ITGB8: variants seen among roughly 807,000 people sequenced by gnomAD.
The protein encoded by ITGB8 is integrin beta-8.
ITGB8 carries 30 observed loss-of-function variants against 89.5 expected under a neutral mutation model. The observed-to-expected ratio is 0.34, with a 90% CI of 0.25 to 0.45. The LOEUF (loss-of-function observed/expected upper bound fraction) is 0.45. Among genes scored for constraint, ITGB8 ranks in the 20% least tolerant of loss-of-function variants. The probability of loss-of-function intolerance (pLI) is 1.00; values close to 1 mark genes in which losing one functional copy is unlikely to be tolerated. For synonymous variants in ITGB8, 335 were observed against 320.4 expected (o/e 1.05, Z -0.49); for missense variants, 836 against 933.3 (o/e 0.90, Z 1.36).
intron 9 of ITGB8, among the ~76,000 whole-genome samples, chr7:20,401,044 G>A (rs571125815): frequency 2.0e-5 from 3 of 151,936 alleles, no homozygotes; most frequent in South Asian, 4.2e-4. Flanking sequence ...GTGCAATCTC[G>A]GCTCACTGCA....
intron 1 of ITGB8, among the ~76,000 whole-genome samples, chr7:20,340,144 C>T (rs534007952): frequency 6.5e-4 from 99 of 152,306 alleles, no homozygotes; most frequent in African/African-American, 2.3e-3. Context: ...TGGTTTTAGA[C>T]GTGCGCTATC....
In ITGB8 at chr7:20,398,857, C is replaced by T. The variant is rs1787193996; in HGVS notation, c.1147-3C>T. On this transcript the variant is annotated splice_polypyrimidine_tract_variant and splice_region_variant and intron_variant, in intron 8 of 13. Transcript: ENST00000222573. ...ATGTAATTTAAAAATAATGTCTCTG[C>T]AGAAGCTCATTTCAGAAGTGAAAGT... The T allele has an allele frequency of 6.4e-7, 1 of 1,571,756 alleles. No homozygotes were observed. The highest frequency in any genetic ancestry group is 8.6e-7 in the Non-Finnish European group (1 of 1,160,706).
rs768936255 is a variant in ITGB8 at position 20,380,831 on chromosome 7, A to G, written c.801A>G (p.Glu267=). ...CCATGCTTCAGGCAGCTGTCTGTGAAGTAAGACGTTTCACATGATCGAGTG... is the reference window on the plus strand; with the variant it reads ...CCATGCTTCAGGCAGCTGTCTGTGAGGTAAGACGTTTCACATGATCGAGTG... ...FDAMLQAAVC[E]SHIGWRKEAK... Residue 267 remains glutamate, a splice_region_variant and synonymous_variant, in exon 5 of 14, where the codon GAA becomes GAG. Coordinates refer to ENST00000222573, the MANE Select transcript of ITGB8 (RefSeq NM_002214.3). 2 of 1,608,198 alleles carry G rather than the reference A, an allele frequency of 1.2e-6. No individual in the cohort carries two copies. The highest frequency in any genetic ancestry group is 1.1e-5 in the South Asian group (1 of 90,398).
intron 6 of ITGB8, among the ~76,000 whole-genome samples, chr7:20,388,026 T>C (rs906336300): frequency 2.0e-5 from 3 of 152,224 alleles, no homozygotes; most frequent in African/African-American, 7.2e-5. Flanking sequence ...ATTATGGATC[T>C]CACTTGTATA....
intron 5 of ITGB8, chr7:20,381,117 G>A (rs1243646441): frequency 1.5e-5 from 4 of 268,340 alleles, no homozygotes; most frequent in African/African-American, 4.5e-5. Context: ...ACACTCCAAG[G>A]AGGAACTAGA....
At chr7:20,369,552 T>A (rs1785844974) in intron 3 of ITGB8, among the ~76,000 whole-genome samples, 1 of 152,178 alleles carries the variant, frequency 6.6e-6, no homozygotes, top group African/African-American at 2.4e-5. Flanking sequence ...CTAAACCTAA[T>A]CATATCTCTC....
chr7:20,387,847 G>C (rs920828179), intron 6 of ITGB8, among the ~76,000 whole-genome samples: 1 of 152,172 alleles, frequency 6.6e-6, no homozygotes, highest in African/African-American at 2.4e-5. Flanking sequence ...ACACATCATT[G>C]AAAGTTTCAT....
chr7:20,377,657 C>G (rs545640489), intron 3 of ITGB8, among the ~76,000 whole-genome samples: 2 of 152,282 alleles, frequency 1.3e-5, no homozygotes, highest in South Asian at 4.1e-4. Flanking sequence ...CTTCTGAAGG[C>G]AAGGGATGAG....
In ITGB8 at chr7:20,394,028, A is replaced by G. The variant is rs76918987; in HGVS notation, c.1057-868A>G. Among the ~76,000 whole-genome samples, 567 of 152,336 alleles carry G rather than the reference A, an allele frequency of 3.7e-3. 3 individuals are homozygous for G. Among genetic ancestry groups the G allele is most frequent in the African/African-American group, 0.013 (526 of 41,582 alleles). On this transcript the variant is annotated intron_variant, in intron 7 of 13. Coordinates refer to ENST00000222573, the MANE Select transcript of ITGB8 (RefSeq NM_002214.3). ...TAGTGATTTGGCATCTCCAAAGTGTATAAAGTAGGAGCTCAATAAAAGTCT... is the reference window on the plus strand; with the variant it reads ...TAGTGATTTGGCATCTCCAAAGTGTGTAAAGTAGGAGCTCAATAAAAGTCT...
chr7:20,330,374 G>T (rs1784332826), upstream of ITGB8, among the ~76,000 whole-genome samples: 1 of 152,224 alleles, frequency 6.6e-6, no homozygotes, highest in Non-Finnish European at 1.5e-5. Flanking sequence ...GGGGCAGTGA[G>T]TATCTCCGAA....
At position 20,380,831 on chromosome 7, in the gene ITGB8, A is replaced by C. The variant is rs768936255; in HGVS notation, c.801A>C (p.Glu267Asp). ...FDAMLQAAVC[E>D]SHIGWRKEAK... ...CCATGCTTCAGGCAGCTGTCTGTGA[A>C]GTAAGACGTTTCACATGATCGAGTG... The change falls in exon 5 of 14, where the codon GAA becomes GAC. Residue 267 changes from glutamate (E) to aspartate (D), a missense_variant and splice_region_variant. This residue lies in a region of ITGB8 where 192 missense variants were observed against 267.1 expected (regional missense o/e 0.72). Coordinates refer to ENST00000222573, the MANE Select transcript of ITGB8 (RefSeq NM_002214.3). 3.7e-6 allele frequency: 6 copies of C among 1,608,198 alleles called. No homozygotes were observed. Among genetic ancestry groups the C allele is most frequent in the Middle Eastern group, 1.7e-4 (1 of 6,040 alleles).
At chr7:20,352,147 T>TTCC (rs1456700456) in intron 1 of ITGB8, among the ~76,000 whole-genome samples, 4 of 152,248 alleles carry the variant, frequency 2.6e-5, no homozygotes, top group African/African-American at 9.6e-5. Flanking sequence ...AATGCAGCTT[T>TTCC]AACCAGAATT....
At chr7:20,380,394 AG>A (rs1353398802) in intron 4 of ITGB8, 37 of 315,188 alleles carry the variant, frequency 1.2e-4, no homozygotes, top group African/African-American at 7.1e-4. Context: ...AAATATTGAA[AG>A]CCTTTAACTG....
intron 6 of ITGB8, among the ~76,000 whole-genome samples, chr7:20,382,639 T>C (rs1449636856): frequency 6.6e-6 from 1 of 152,212 alleles, no homozygotes; most frequent in Non-Finnish European, 1.5e-5. Flanking sequence ...AGTGATTTTA[T>C]TCCATGACAC....
At position 20,375,948 on chromosome 7, in the gene ITGB8, T is replaced by C. The variant is rs533973888; in HGVS notation, c.389-3103T>C. Among the ~76,000 whole-genome samples, 3 of 152,302 alleles carry C rather than the reference T, an allele frequency of 2.0e-5. No homozygotes were observed. In the South Asian group the frequency reaches 6.2e-4, roughly 32 times the overall value. On this transcript the variant is annotated intron_variant, in intron 3 of 13. Coordinates refer to ENST00000222573, the MANE Select transcript of ITGB8 (RefSeq NM_002214.3). Reference sequence around the variant, plus strand: ...ATAAAATTCTTTAGGTAAAATGGCTTTGAAAATCATATATTATGCTTGAGG... The same window carrying C: ...ATAAAATTCTTTAGGTAAAATGGCTCTGAAAATCATATATTATGCTTGAGG...
intron 6 of ITGB8, among the ~76,000 whole-genome samples, chr7:20,389,480 G>A (rs1786767367): frequency 6.6e-6 from 1 of 152,178 alleles, no homozygotes; most frequent in Admixed American, 6.5e-5. Context: ...AAGGGGAAGA[G>A]ATTAAGAAGT....
chr7:20,392,037 G>T lies in ITGB8; in HGVS notation c.1056+539G>T, dbSNP rs147200572. Among the ~76,000 whole-genome samples, 13 of 152,210 alleles carry T rather than the reference G, an allele frequency of 8.5e-5. No individual in the cohort carries two copies. In the East Asian group the frequency reaches 2.5e-3, roughly 29 times the overall value. ...ATAAGAATAATCTTGGTGGTGTCTG[G>T]AGTCTTTTGGGCCAGGTGAGACCCT... On this transcript the variant is annotated intron_variant, in intron 7 of 13. Transcript: ENST00000222573.
intron 6 of ITGB8, among the ~76,000 whole-genome samples, chr7:20,388,137 A>T (rs1786703970): frequency 6.6e-6 from 1 of 152,178 alleles, no homozygotes. Flanking sequence ...AATTGCCCCC[A>T]ATGAATCTTT....
intron 1 of ITGB8, among the ~76,000 whole-genome samples, chr7:20,340,825 A>G (rs751642607): frequency 2.6e-5 from 4 of 152,254 alleles, no homozygotes; most frequent in Non-Finnish European, 5.9e-5. Flanking sequence ...GTAAAGGATC[A>G]TTAGAATATT....
Sources: gnomAD v4.1 joint callset for allele counts (sites outside exome capture counted in the v4.1 genomes callset) on GRCh38, gnomAD v4.1.1 for gene constraint, gnomAD v4.1.1 regional missense constraint, MANE v1.5 for transcripts, NCBI Gene and HGNC (gene_info 2026-07-23, HGNC 2026-07-21) for gene names.